CEP85L: variants seen among roughly 807,000 people sequenced by gnomAD.
The protein encoded by CEP85L is centrosomal protein 85L.
A neutral mutation model predicts 100.3 loss-of-function variants in CEP85L; 60 were observed. That is an observed-to-expected ratio of 0.60 (90% CI 0.49 to 0.74). The LOEUF (loss-of-function observed/expected upper bound fraction) is 0.74. Ranked by LOEUF, CEP85L falls within the 30% of genes least tolerant of loss-of-function variation. CEP85L has a pLI of 0.00. For missense variants in CEP85L, 973 were observed against 936.2 expected, an observed-to-expected ratio of 1.04 and a Z score of -0.51; for synonymous variants, 319 against 322.7, an observed-to-expected ratio of 0.99 and a Z score of 0.12.
rs991906784 is a variant in CEP85L at position 118,463,711 on chromosome 6, A to G, written c.*1694T>C. On this transcript the variant is annotated 3_prime_UTR_variant, in exon 13 of 13. Transcript: ENST00000368491. ...AGTGCCCAGATTCTCAGAAGTAAGA[A>G]GAGCAGGAAGGACTCAGACACCAAA... 7 of 152,108 alleles carry G rather than the reference A, an allele frequency of 4.6e-5. No homozygotes were observed. Among genetic ancestry groups the G allele is most frequent in the African/African-American group, 1.7e-4 (7 of 41,436 alleles). The allele number at this position is 152,108 out of a possible 1,614,324, so 9.4% of individuals were successfully genotyped here.
chr6:118,671,475 G>A (rs1203626518), intron 1 of CEP85L, among the ~76,000 whole-genome samples: 3 of 152,136 alleles, frequency 2.0e-5, no homozygotes, highest in Non-Finnish European at 2.9e-5. Context: ...ATTAATTTCC[G>A]TTAGTAAAAT....
chr6:118,692,778 T>G (rs1777088234), intron 1 of CEP85L, among the ~76,000 whole-genome samples: 1 of 152,204 alleles, frequency 6.6e-6, no homozygotes, highest in Non-Finnish European at 1.5e-5. Context: ...GATACATTGA[T>G]AGAAGTATAG....
intron 2 of CEP85L, among the ~76,000 whole-genome samples, chr6:118,599,534 T>C (rs554140898): frequency 3.9e-5 from 6 of 152,338 alleles, no homozygotes; most frequent in Admixed American, 1.3e-4. Flanking sequence ...CTCCAGGATG[T>C]AGAACTTAGT....
chr6:118,552,347 G>C (rs141386776), intron 3 of CEP85L, among the ~76,000 whole-genome samples: 6 of 152,012 alleles, frequency 3.9e-5, no homozygotes, highest in Admixed American at 6.6e-5. Flanking sequence ...AGTATAGATG[G>C]AGATTAATGC....
chr6:118,646,614 A>T lies in CEP85L; in HGVS notation c.73+4583T>A, dbSNP rs138468925. Among the ~76,000 whole-genome samples the T allele has an allele frequency of 2.0e-3, 302 of 151,834 alleles. 1 individual carries two copies. Among genetic ancestry groups the T allele is most frequent in the African/African-American group, 6.9e-3 (286 of 41,358 alleles). The stretch of plus-strand genomic sequence containing the variant: ...AACCCCGGAGACGGAGGTTGCTGTG[A>T]GCCGAGATCGCACTCCAGCCTGGGT... On this transcript the variant is annotated intron_variant, in intron 1 of 12. Coordinates refer to ENST00000368491, the MANE Select transcript of CEP85L (RefSeq NM_001042475.3).
intron 10 of CEP85L, among the ~76,000 whole-genome samples, chr6:118,471,917 C>T (rs1271730410): frequency 6.6e-6 from 1 of 151,746 alleles, no homozygotes; most frequent in Non-Finnish European, 1.5e-5. Context: ...AAGATCTATC[C>T]TTTCTGGCCT....
At chr6:118,607,031 G>A (rs918961512) in intron 2 of CEP85L, among the ~76,000 whole-genome samples, 5 of 152,066 alleles carry the variant, frequency 3.3e-5, no homozygotes, top group Admixed American at 1.3e-4. Context: ...CCAGCTTGTG[G>A]CACCATAGCC....
intron 2 of CEP85L, among the ~76,000 whole-genome samples, chr6:118,566,662 G>C (rs1379417074): frequency 1.3e-5 from 2 of 152,060 alleles, no homozygotes; most frequent in Non-Finnish European, 2.9e-5. Flanking sequence ...AAGGTGATCT[G>C]CCTGCCTCAG....
chr6:118,656,356 G>C (rs974647320), upstream of CEP85L, among the ~76,000 whole-genome samples: 3 of 152,182 alleles, frequency 2.0e-5, no homozygotes, highest in Admixed American at 1.3e-4. Context: ...TGGGAATAAA[G>C]GAGTGGAACT....
intron 2 of CEP85L, among the ~76,000 whole-genome samples, chr6:118,630,151 G>A (rs1013586347): frequency 6.6e-6 from 1 of 152,148 alleles, no homozygotes; most frequent in Non-Finnish European, 1.5e-5. Context: ...AGTGATTATG[G>A]GAGGTATTTT....
At chr6:118,474,525 G>C (rs1235670170) in intron 10 of CEP85L, among the ~76,000 whole-genome samples, 2 of 152,162 alleles carry the variant, frequency 1.3e-5, no homozygotes, top group East Asian at 3.9e-4. Context: ...CTTACATTGA[G>C]TGCAGAAATC....
intron 1 of CEP85L, among the ~76,000 whole-genome samples, chr6:118,681,437 T>C (rs1182537995): frequency 6.6e-6 from 1 of 152,160 alleles, no homozygotes; most frequent in Admixed American, 6.5e-5. Context: ...GAAAAAAACC[T>C]CAATAACCTC....
chr6:118,520,560 TCTC>T (rs1776602227), intron 4 of CEP85L, among the ~76,000 whole-genome samples: 1 of 152,162 alleles, frequency 6.6e-6, no homozygotes, highest in South Asian at 2.1e-4. Context: ...TTCAAATTAC[TCTC>T]TTCTAGCTAT....
At chr6:118,500,443 G>A (rs1775211254) in intron 5 of CEP85L, among the ~76,000 whole-genome samples, 1 of 19,612 alleles carries the variant, frequency 5.1e-5, no homozygotes, top group African/African-American at 2.1e-4. Context: ...TTATCTACTG[G>A]GAAATCTAGC....
chr6:118,690,831 T>C (rs1777014499), intron 1 of CEP85L, among the ~76,000 whole-genome samples: 2 of 151,706 alleles, frequency 1.3e-5, no homozygotes, highest in Middle Eastern at 3.4e-3. Flanking sequence ...AGACCTCATA[T>C]CCAAAAATAA....
chr6:118,502,621 C>A, intron 5 of CEP85L: 1 of 480,324 alleles, frequency 2.1e-6, no homozygotes, highest in Non-Finnish European at 3.9e-6. Flanking sequence ...TGAAGTATTC[C>A]AGAAGAAACC....
At chr6:118,606,322 C>A (rs971206072) in intron 2 of CEP85L, among the ~76,000 whole-genome samples, 23 of 152,108 alleles carry the variant, frequency 1.5e-4, no homozygotes, top group Admixed American at 1.5e-3. Context: ...AGACAGTCCA[C>A]GGAGGAGAAG....
rs774556120 is a variant in CEP85L, at chr6:118,558,957, A to G, written c.1020+6572T>C. Reference sequence around the variant, plus strand: ...TCCAATACCTCACTCGCTCAGCTATAAGAAGAGCCTCAACCATTGAAATGC... The same window carrying G: ...TCCAATACCTCACTCGCTCAGCTATGAGAAGAGCCTCAACCATTGAAATGC... On this transcript the variant is annotated intron_variant, in intron 3 of 12. Coordinates refer to ENST00000368491, the MANE Select transcript of CEP85L (RefSeq NM_001042475.3). 3.1e-6 allele frequency: 5 copies of G among 1,613,544 alleles called. No homozygotes were observed. The East Asian group carries it at 1.1e-4, about 36-fold the overall frequency.
intron 1 of CEP85L, among the ~76,000 whole-genome samples, chr6:118,685,510 GATT>G (rs1776800785): frequency 6.6e-6 from 1 of 152,108 alleles, no homozygotes; most frequent in South Asian, 2.1e-4. Context: ...TTTAAAATGT[GATT>G]ATTTAGTACA....
Sources: gnomAD v4.1 joint callset for allele counts (sites outside exome capture counted in the v4.1 genomes callset) on GRCh38, gnomAD v4.1.1 for gene constraint, MANE v1.5 for transcripts, NCBI Gene and HGNC (gene_info 2026-07-23, HGNC 2026-07-21) for gene names.